The following KCNH8 variants were observed in gnomAD, a reference collection of about 807,000 sequenced individuals.
KCNH8 encodes voltage-gated delayed rectifier potassium channel KCNH8.
A neutral mutation model predicts 103.6 loss-of-function variants in KCNH8; 70 were observed. The ratio of observed to expected loss-of-function variants is 0.68; its 90% CI spans 0.56 to 0.82. The LOEUF (loss-of-function observed/expected upper bound fraction) is 0.82, where lower values mean the gene tolerates loss of function less well. Ranked by LOEUF, KCNH8 falls within the 40% of genes least tolerant of loss-of-function variation. KCNH8 has a pLI of 0.00. For synonymous variants in KCNH8, 498 were observed against 489.4 expected, an observed-to-expected ratio of 1.02 and a Z score of -0.23; for missense variants, 1,217 against 1,329.9, an observed-to-expected ratio of 0.92 and a Z score of 1.32.
chr3:19,209,949 A>G lies in KCNH8; in HGVS notation c.77-43705A>G, dbSNP rs186311899. Among the ~76,000 whole-genome samples the G allele has an allele frequency of 1.1e-4, 17 of 152,146 alleles. No individual in the cohort carries two copies. The East Asian group carries it at 2.9e-3, about 26-fold the overall frequency. On this transcript the variant is annotated intron_variant, in intron 1 of 15. Coordinates refer to ENST00000328405, the MANE Select transcript of KCNH8 (RefSeq NM_144633.3). ...ATTTTTTTGGGGGCGGAAATACTGC[A>G]TAAACCAAGGCTAGATATTTGGCTT... is the stretch of plus-strand genomic sequence containing the variant.
chr3:19,273,950 A>G (rs1412516310), intron 2 of KCNH8, among the ~76,000 whole-genome samples: 1 of 152,180 alleles, frequency 6.6e-6, no homozygotes, highest in Non-Finnish European at 1.5e-5. Flanking sequence ...AATTCTTTTT[A>G]TTATAAAAAG....
chr3:19,246,083 A>G (rs1575465498), intron 1 of KCNH8, among the ~76,000 whole-genome samples: 1 of 152,134 alleles, frequency 6.6e-6, no homozygotes, highest in East Asian at 1.9e-4. Flanking sequence ...ATTCTAAATT[A>G]TGAAAGTATA....
chr3:19,171,363 A>C (rs1007098723), intron 1 of KCNH8, among the ~76,000 whole-genome samples: 1 of 152,154 alleles, frequency 6.6e-6, no homozygotes, highest in South Asian at 2.1e-4. Context: ...AATACAGCTT[A>C]TATTTTTGCT....
chr3:19,315,338 G>A (rs992844963), intron 3 of KCNH8, among the ~76,000 whole-genome samples: 5 of 151,912 alleles, frequency 3.3e-5, no homozygotes, highest in African/African-American at 1.2e-4. Flanking sequence ...AGAAGCTGGG[G>A]GACACAACTA....
intron 5 of KCNH8, among the ~76,000 whole-genome samples, chr3:19,362,559 AAT>A (rs1409465955): frequency 1.3e-5 from 2 of 152,172 alleles, no homozygotes; most frequent in Non-Finnish European, 2.9e-5. Context: ...CTGTTTCTCA[AAT>A]ACCTTCAGCT....
At chr3:19,182,682 G>A (rs1218487733) in intron 1 of KCNH8, among the ~76,000 whole-genome samples, 1 of 151,994 alleles carries the variant, frequency 6.6e-6, no homozygotes, top group Non-Finnish European at 1.5e-5. Flanking sequence ...AGTAGTACTA[G>A]CTGAGCCCTA....
At chr3:19,244,656 G>A (rs1161787360) in intron 1 of KCNH8, among the ~76,000 whole-genome samples, 1 of 152,052 alleles carries the variant, frequency 6.6e-6, no homozygotes, top group Non-Finnish European at 1.5e-5. Context: ...TTTAATAATA[G>A]CCATTCTGAT....
chr3:19,358,767 T>C (rs181171496), intron 5 of KCNH8, among the ~76,000 whole-genome samples: 40 of 152,096 alleles, frequency 2.6e-4, no homozygotes, highest in African/African-American at 9.1e-4. Context: ...GTGTGTCACC[T>C]TTTAACATGT....
intron 5 of KCNH8, among the ~76,000 whole-genome samples, chr3:19,352,259 C>T (rs1206144038): frequency 1.3e-5 from 2 of 152,160 alleles, no homozygotes; most frequent in African/African-American, 4.8e-5. Context: ...TACAAAGAGA[C>T]TTAGACTCCC....
At chr3:19,284,511 GTGTGT>G (rs1559458581) in intron 3 of KCNH8, among the ~76,000 whole-genome samples, 2 of 86,176 alleles carry the variant, frequency 2.3e-5, no homozygotes, top group East Asian at 7.9e-4. Context: ...ATCTGCTGGT[GTGTGT>G]GTGTGTGTGT....
At chr3:19,411,895 A>G (rs932820118) in intron 7 of KCNH8, among the ~76,000 whole-genome samples, 1 of 152,000 alleles carries the variant, frequency 6.6e-6, no homozygotes, top group Non-Finnish European at 1.5e-5. Flanking sequence ...ACAAATGGAA[A>G]GACATTCTAT....
intron 1 of KCNH8, among the ~76,000 whole-genome samples, chr3:19,172,900 CCTG>C (rs2063361596): frequency 1.3e-5 from 2 of 152,034 alleles, no homozygotes; most frequent in South Asian, 4.2e-4. Context: ...AATCCCATCT[CCTG>C]CTATCTGCTT....
At chr3:19,461,363 G>A (rs887023369) in intron 11 of KCNH8, among the ~76,000 whole-genome samples, 1 of 152,118 alleles carries the variant, frequency 6.6e-6, no homozygotes, top group South Asian at 2.1e-4. Context: ...GAAAAGTCTT[G>A]TGCACTCCCC....
At chr3:19,368,950 G>T (rs2066049728) in intron 5 of KCNH8, among the ~76,000 whole-genome samples, 1 of 151,906 alleles carries the variant, frequency 6.6e-6, no homozygotes, top group South Asian at 2.1e-4. Flanking sequence ...ACTCTGAAAA[G>T]ACTCCCTTCT....
At chr3:19,499,475 A>T (rs988661237) in intron 11 of KCNH8, among the ~76,000 whole-genome samples, 17 of 152,174 alleles carry the variant, frequency 1.1e-4, no homozygotes, top group African/African-American at 4.1e-4. Flanking sequence ...AGCAACTCCA[A>T]GACACATAAT....
intron 5 of KCNH8, among the ~76,000 whole-genome samples, chr3:19,363,911 G>C (rs1406390279): frequency 6.6e-6 from 1 of 152,072 alleles, no homozygotes; most frequent in Non-Finnish European, 1.5e-5. Context: ...TACTGACTTG[G>C]ATACTGAAGG....
chr3:19,326,176 G>T (rs2065420706), intron 3 of KCNH8, among the ~76,000 whole-genome samples: 1 of 151,826 alleles, frequency 6.6e-6, no homozygotes, highest in South Asian at 2.1e-4. Flanking sequence ...ACACACTGGG[G>T]CCTATAGGAG....
chr3:19,379,705 A>C (rs2066263422), intron 5 of KCNH8, among the ~76,000 whole-genome samples: 1 of 152,174 alleles, frequency 6.6e-6, no homozygotes, highest in African/African-American at 2.4e-5. Context: ...ACCCCAAGTC[A>C]AGCAACATGC....
At chr3:19,509,271 A>G (rs376264987) in intron 11 of KCNH8, among the ~76,000 whole-genome samples, 2 of 152,212 alleles carry the variant, frequency 1.3e-5, no homozygotes, top group East Asian at 1.9e-4. Context: ...TTGTATAAAT[A>G]TAACAGATCT....
Sources: gnomAD v4.1 joint callset for allele counts (sites outside exome capture counted in the v4.1 genomes callset) on GRCh38, gnomAD v4.1.1 for gene constraint, MANE v1.5 for transcripts, NCBI Gene and HGNC (gene_info 2026-07-23, HGNC 2026-07-21) for gene names.